KIAA0825: variants seen among roughly 807,000 people sequenced by gnomAD.
The protein encoded by KIAA0825 is KIAA0825.
KIAA0825 carries 119 observed loss-of-function variants against 147.6 expected under a neutral mutation model. That is an observed-to-expected ratio of 0.81 (90% CI 0.69 to 0.94). KIAA0825 has a LOEUF of 0.94. KIAA0825 is among the 40% of genes least tolerant of loss of function. The probability of loss-of-function intolerance (pLI) is 0.00; values close to 1 mark genes in which losing one functional copy is unlikely to be tolerated. For synonymous variants in KIAA0825, 470 were observed against 518.1 expected (o/e 0.91, Z 1.26); for missense variants, 1,381 against 1,472.7 (o/e 0.94, Z 1.02).
At chr5:94,165,371 G>T (rs1374920091) in intron 20 of KIAA0825, among the ~76,000 whole-genome samples, 1 of 152,106 alleles carries the variant, frequency 6.6e-6, no homozygotes, top group African/African-American at 2.4e-5. Context: ...ATGCTGGCGA[G>T]GATATAGAGA....
Position 94,201,343 on chromosome 5 carries a change from C to T in KIAA0825, c.3711-47219G>A, listed in dbSNP as rs1039115081. ...ATAGATTTAATAAAATGCAGTGGGGCCTCAGTATCCACAGCCTTGTTCTTA... is the reference window on the plus strand; with the variant it reads ...ATAGATTTAATAAAATGCAGTGGGGTCTCAGTATCCACAGCCTTGTTCTTA... On this transcript the variant is annotated intron_variant, in intron 20 of 20. Transcript: ENST00000682413. 3.3e-5 allele frequency among the ~76,000 whole-genome samples: 5 copies of T among 151,630 alleles called. No homozygotes were observed. The East Asian group carries it at 9.7e-4, about 29-fold the overall frequency.
rs188589629 is a variant in KIAA0825 at position 94,311,077 on chromosome 5, A to G, written c.3710+73291T>C. Among the ~76,000 whole-genome samples the G allele has an allele frequency of 4.0e-3, 608 of 151,768 alleles. 15 individuals carry two copies. Among genetic ancestry groups the G allele is most frequent in the Non-Finnish European group, 1.1e-3 (72 of 67,748 alleles). ...ATAGCAAGGGTGACCTCCAGTGTGCAATAGGTTTATGCCATTGCATTTTTT... is the reference window on the plus strand; with the variant it reads ...ATAGCAAGGGTGACCTCCAGTGTGCGATAGGTTTATGCCATTGCATTTTTT... On this transcript the variant is annotated intron_variant, in intron 20 of 20. Transcript: ENST00000682413.
chr5:94,488,256 C>T (rs1167503668), intron 5 of KIAA0825, among the ~76,000 whole-genome samples: 1 of 152,124 alleles, frequency 6.6e-6, no homozygotes, highest in Non-Finnish European at 1.5e-5. Flanking sequence ...ACAACCTGGC[C>T]TTTATTTATT....
chr5:94,573,539 T>TG (rs1165522625), intron 2 of KIAA0825, among the ~76,000 whole-genome samples: 1 of 152,184 alleles, frequency 6.6e-6, no homozygotes, highest in Non-Finnish European at 1.5e-5. Flanking sequence ...CACAAAGTGC[T>TG]GAGGTTACAG....
At chr5:94,612,492 G>A (rs1789135276) in intron 1 of KIAA0825, among the ~76,000 whole-genome samples, 1 of 151,862 alleles carries the variant, frequency 6.6e-6, no homozygotes, top group South Asian at 2.1e-4. Context: ...CGTGCATTGA[G>A]GCCTGAAGGC....
intron 20 of KIAA0825, among the ~76,000 whole-genome samples, chr5:94,334,675 G>A (rs565310531): frequency 6.6e-6 from 1 of 152,138 alleles, no homozygotes; most frequent in East Asian, 1.9e-4. Context: ...GTAGAGACAG[G>A]GTTTCACCAT....
At chr5:94,189,432 A>G (rs1029618744) in intron 20 of KIAA0825, among the ~76,000 whole-genome samples, 7 of 152,240 alleles carry the variant, frequency 4.6e-5, no homozygotes, top group Non-Finnish European at 8.8e-5. Context: ...ATTCATTTTA[A>G]GTTAATCTTT....
intron 13 of KIAA0825, among the ~76,000 whole-genome samples, chr5:94,443,866 G>A (rs1757413448): frequency 6.6e-6 from 1 of 152,106 alleles, no homozygotes; most frequent in South Asian, 2.1e-4. Flanking sequence ...TAGCCTTATT[G>A]CTCAGGCCAC....
chr5:94,598,354 T>C (rs1785686808), intron 1 of KIAA0825, among the ~76,000 whole-genome samples: 1 of 152,064 alleles, frequency 6.6e-6, no homozygotes, highest in African/African-American at 2.4e-5. Flanking sequence ...GACTTCCACC[T>C]CCACATTTTG....
chr5:94,290,705 C>T (rs1777851710), intron 20 of KIAA0825, among the ~76,000 whole-genome samples: 2 of 152,168 alleles, frequency 1.3e-5, no homozygotes, highest in Admixed American at 6.5e-5. Flanking sequence ...TGAGGAATCA[C>T]CACACTGTCT....
At position 94,520,931 on chromosome 5, in the gene KIAA0825, A is replaced by G. The variant is rs573496278; in HGVS notation, c.301-14T>C. On this transcript the variant is annotated splice_polypyrimidine_tract_variant and intron_variant, in intron 4 of 20. Coordinates refer to ENST00000682413, the MANE Select transcript of KIAA0825 (RefSeq NM_001145678.3). ...CAACAAATCTTGCTAATGAAATTAT[A>G]ACATTAGAAATGTGATTAAGTGCAA... is the stretch of plus-strand genomic sequence containing the variant. The G allele has an allele frequency of 6.6e-7, 1 of 1,522,704 alleles. No individual in the cohort carries two copies. The highest frequency in any genetic ancestry group is 1.9e-5 in the Admixed American group (1 of 53,112). The allele number at this position is 1,522,704 out of a possible 1,614,324, so 94.3% of individuals were successfully genotyped here.
chr5:94,366,284 G>A (rs183386768), intron 20 of KIAA0825, among the ~76,000 whole-genome samples: 18 of 152,248 alleles, frequency 1.2e-4, no homozygotes, highest in African/African-American at 3.9e-4. Flanking sequence ...AACCCACTGC[G>A]GGGTTACATT....
chr5:94,459,151 C>T (rs1302811544), intron 12 of KIAA0825, among the ~76,000 whole-genome samples: 1 of 152,152 alleles, frequency 6.6e-6, no homozygotes, highest in Non-Finnish European at 1.5e-5. Flanking sequence ...CATATCAGCA[C>T]TTTATTCCCC....
chr5:94,428,324 T>C (rs1423043049), intron 14 of KIAA0825, among the ~76,000 whole-genome samples: 1 of 152,136 alleles, frequency 6.6e-6, no homozygotes, highest in African/African-American at 2.4e-5. Flanking sequence ...GTAGTTTCTA[T>C]TGTGTGGTTG....
intron 5 of KIAA0825, among the ~76,000 whole-genome samples, chr5:94,509,510 A>G (rs572778442): frequency 6.6e-6 from 1 of 152,352 alleles, no homozygotes; most frequent in South Asian, 2.1e-4. Flanking sequence ...TCACAGAAAT[A>G]AGGCAAAGCC....
intron 20 of KIAA0825, among the ~76,000 whole-genome samples, chr5:94,160,103 G>A (rs1352937277): frequency 6.6e-6 from 1 of 152,104 alleles, no homozygotes; most frequent in Non-Finnish European, 1.5e-5. Flanking sequence ...GTTCAAATCA[G>A]AGGGGAAAGT....
At chr5:94,264,688 A>T (rs916321990) in intron 20 of KIAA0825, among the ~76,000 whole-genome samples, 1 of 151,984 alleles carries the variant, frequency 6.6e-6, no homozygotes, top group Non-Finnish European at 1.5e-5. Flanking sequence ...CTCTCAACTT[A>T]TAACTCTCTG....
At chr5:94,202,569 G>A (rs561636576) in intron 20 of KIAA0825, among the ~76,000 whole-genome samples, 4 of 152,254 alleles carry the variant, frequency 2.6e-5, no homozygotes, top group African/African-American at 9.6e-5. Flanking sequence ...TTCTGCACCA[G>A]GAAACACCAA....
At chr5:94,273,915 AT>A (rs1029037998) in intron 20 of KIAA0825, among the ~76,000 whole-genome samples, 2 of 152,194 alleles carry the variant, frequency 1.3e-5, no homozygotes, top group Non-Finnish European at 2.9e-5. Flanking sequence ...GGAGAAAAAA[AT>A]ATTAAGCTTA....
Sources: allele counts gnomAD v4.1 joint callset (sites outside exome capture counted in the v4.1 genomes callset), GRCh38; gene constraint gnomAD v4.1.1; transcripts MANE v1.5; gene names NCBI Gene and HGNC (gene_info 2026-07-23, HGNC 2026-07-21).